Variants in RUFY3 observed in about 807,000 individuals in gnomAD.
The protein encoded by RUFY3 is protein RUFY3.
In RUFY3, 34 loss-of-function variants were observed where a neutral mutation model predicts 84.0. The observed-to-expected ratio is 0.40, with a 90% confidence interval of 0.31 to 0.54. The LOEUF is 0.54. Ranked by LOEUF, RUFY3 falls within the 20% of genes least tolerant of loss-of-function variation. RUFY3 has a pLI of 0.39. For synonymous variants in RUFY3, 242 were observed against 252.9 expected (o/e 0.96, Z 0.41); for missense variants, 507 against 736.8 (o/e 0.69, Z 3.61).
chr4:70,790,501 G>A lies in RUFY3; in HGVS notation c.1337+909G>A, dbSNP rs73824902. 2.0e-3 allele frequency among the ~76,000 whole-genome samples: 303 copies of A among 151,964 alleles called. 1 individual carries two copies. The highest frequency in any genetic ancestry group is 7.0e-3 in the African/African-American group (290 of 41,426). On this transcript the variant is annotated intron_variant, in intron 12 of 17. Coordinates refer to ENST00000381006, the MANE Select transcript of RUFY3 (RefSeq NM_001037442.4). ...CCTAATTCTTCCCACTCCCTTATTC[G>A]TCAGATACATTTTTAAGTTTAGGCT...
At chr4:70,788,748 T>C (rs1341050758) in intron 10 of RUFY3, 58 bp from the exon 11 acceptor site, 2 of 1,558,322 alleles carry the variant, frequency 1.3e-6, no homozygotes, top group Admixed American at 3.5e-5. Context: ...TGAAATATTA[T>C]GGTTTGTACT....
intron 1 of RUFY3, among the ~76,000 whole-genome samples, chr4:70,724,977 G>A (rs1466192192): frequency 1.3e-5 from 2 of 152,134 alleles, no homozygotes; most frequent in African/African-American, 2.4e-5. Context: ...GGACGCGGGA[G>A]TATTCAGACT....
At chr4:70,785,800 C>T in intron 10 of RUFY3, among the ~76,000 whole-genome samples, 1 of 152,068 alleles carries the variant, frequency 6.6e-6, no homozygotes, top group East Asian at 1.9e-4. Context: ...TGTATCACTG[C>T]ACTCCATCCT....
At chr4:70,781,437 C>T (rs192058573) in intron 8 of RUFY3, among the ~76,000 whole-genome samples, 1 of 152,220 alleles carries the variant, frequency 6.6e-6, no homozygotes, top group East Asian at 1.9e-4. Context: ...CAAGATTGTG[C>T]CACCACACTC....
chr4:70,787,211 T>C (rs1282059657), intron 10 of RUFY3, among the ~76,000 whole-genome samples: 1 of 132,172 alleles, frequency 7.6e-6, no homozygotes, highest in African/African-American at 3.0e-5. Flanking sequence ...TATATATATA[T>C]ATAAAAACAA....
At position 70,807,612 on chromosome 4, in the gene RUFY3, C is replaced by G. The variant is rs1415295443; in HGVS notation, c.*953C>G. Among the ~76,000 whole-genome samples the G allele has an allele frequency of 6.6e-6, 1 of 151,736 alleles. No homozygotes were observed. Among genetic ancestry groups the G allele is most frequent in the African/African-American group, 2.4e-5 (1 of 41,262 alleles). Reference sequence around the variant, plus strand: ...CACAGCTCACTGAATCCCTGTTCTCCCGGGCCTCAAGCAATCTTCCCACCT... The same window carrying G: ...CACAGCTCACTGAATCCCTGTTCTCGCGGGCCTCAAGCAATCTTCCCACCT... On this transcript the variant is annotated 3_prime_UTR_variant, in exon 18 of 18. Coordinates refer to ENST00000381006, the MANE Select transcript of RUFY3 (RefSeq NM_001037442.4).
At chr4:70,704,245 G>C (rs1322462069), upstream of RUFY3, 1 of 152,280 alleles carries the variant, frequency 6.6e-6, no homozygotes, top group African/African-American at 2.4e-5. Flanking sequence ...GGGAACAAAA[G>C]AGGTGGTGGA....
At chr4:70,764,364 G>A in intron 3 of RUFY3, 111 bp from the exon 4 acceptor site, 1 of 736,486 alleles carries the variant, frequency 1.4e-6, no homozygotes, top group Middle Eastern at 2.6e-4. Context: ...GAGCACCTCA[G>A]TGTGCTTGTT....
chr4:70,742,023 C>T (rs2148649137), intron 1 of RUFY3, among the ~76,000 whole-genome samples: 1 of 152,260 alleles, frequency 6.6e-6, no homozygotes, highest in South Asian at 2.1e-4. Context: ...TCACAGCAGC[C>T]AAAAGCAAAC....
At chr4:70,731,647 A>C (rs2148614722) in intron 1 of RUFY3, among the ~76,000 whole-genome samples, 1 of 152,198 alleles carries the variant, frequency 6.6e-6, no homozygotes, top group East Asian at 1.9e-4. Context: ...GGCTCACTGC[A>C]ACCTCTGCCT....
chr4:70,806,827 C>A lies in RUFY3; in HGVS notation c.*168C>A. 1.4e-6 allele frequency: 1 copy of A among 709,472 alleles called. No homozygotes were observed. Among genetic ancestry groups the A allele is most frequent in the Non-Finnish European group, 2.2e-6 (1 of 450,322 alleles). 43.9% of individuals were successfully genotyped at this position (709,472 alleles called of 1,614,324 possible). On this transcript the variant is annotated 3_prime_UTR_variant, in exon 18 of 18. Coordinates refer to ENST00000381006, the MANE Select transcript of RUFY3 (RefSeq NM_001037442.4). Reference sequence around the variant, plus strand: ...GTGGTTGGGGTTACTGGAAATTTTGCTCATTTTCTCTAATGACTGTATGAA... The same window carrying A: ...GTGGTTGGGGTTACTGGAAATTTTGATCATTTTCTCTAATGACTGTATGAA...
At chr4:70,735,290 T>TC (rs1173442209) in intron 1 of RUFY3, among the ~76,000 whole-genome samples, 1 of 152,090 alleles carries the variant, frequency 6.6e-6, no homozygotes. Context: ...GTTCCTCTAG[T>TC]CCCCACCAGT....
chr4:70,796,682 C>A (rs1201359786), intron 14 of RUFY3, among the ~76,000 whole-genome samples: 1 of 152,204 alleles, frequency 6.6e-6, no homozygotes, highest in Non-Finnish European at 1.5e-5. Flanking sequence ...AAGATCCTCA[C>A]AAATTGATGT....
chr4:70,707,140 T>C (rs1740425366), intron 1 of RUFY3, among the ~76,000 whole-genome samples: 2 of 152,266 alleles, frequency 1.3e-5, no homozygotes, highest in South Asian at 4.1e-4. Flanking sequence ...AACAGTATTT[T>C]GTTACTCTTA....
At chr4:70,789,034 C>A in intron 11 of RUFY3, 61 bp downstream of exon 11, 1 of 1,569,734 alleles carries the variant, frequency 6.4e-7, no homozygotes, top group Non-Finnish European at 8.7e-7. Flanking sequence ...TTCCCTCCTC[C>A]CATCTGATCC....
At chr4:70,745,718 C>T (rs1431999404) in intron 1 of RUFY3, among the ~76,000 whole-genome samples, 1 of 152,184 alleles carries the variant, frequency 6.6e-6, no homozygotes, top group Non-Finnish European at 1.5e-5. Context: ...ACAGAAGAAA[C>T]ATATCTTAAG....
intron 1 of RUFY3, among the ~76,000 whole-genome samples, chr4:70,749,896 T>C (rs963363002): frequency 6.6e-6 from 1 of 152,090 alleles, no homozygotes; most frequent in African/African-American, 2.4e-5. Flanking sequence ...AAGCTATCCA[T>C]CTGCCAGCCT....
chr4:70,759,133 A>G (rs1724555848), intron 1 of RUFY3, among the ~76,000 whole-genome samples: 1 of 152,160 alleles, frequency 6.6e-6, no homozygotes, highest in Admixed American at 6.5e-5. Context: ...GCATCTGTTA[A>G]CCAACCTCTC....
intron 1 of RUFY3, among the ~76,000 whole-genome samples, chr4:70,739,110 G>A (rs1388513000): frequency 1.3e-5 from 2 of 149,290 alleles, no homozygotes; most frequent in African/African-American, 5.0e-5. Flanking sequence ...ATATTTTTGT[G>A]GAGAAAGTAG....
Sources: allele counts gnomAD v4.1 joint callset (sites outside exome capture counted in the v4.1 genomes callset), GRCh38; gene constraint gnomAD v4.1.1; transcripts MANE v1.5; gene names NCBI Gene and HGNC (gene_info 2026-07-23, HGNC 2026-07-21).